Variants in PBRM1 observed in about 807,000 individuals in gnomAD.
PBRM1 encodes the protein polybromo 1, also known as protein polybromo-1.
Under a neutral mutation model 194.5 loss-of-function variants are expected in PBRM1, and 27 were observed. That is an observed-to-expected ratio of 0.14 (90% CI 0.10 to 0.19). PBRM1 has a LOEUF of 0.19. Among genes scored for constraint, PBRM1 ranks in the 10% least tolerant of loss-of-function variants. The pLI is 1.00. For synonymous variants in PBRM1, 655 were observed against 693.2 expected (o/e 0.94, Z 0.87); for missense variants, 1,466 against 2,077.2 (o/e 0.71, Z 5.72).
intron 22 of PBRM1, among the ~76,000 whole-genome samples, chr3:52,566,302 C>T (rs1329517740): frequency 6.6e-6 from 1 of 152,092 alleles, no homozygotes; most frequent in African/African-American, 2.4e-5. Context: ...AAAAGTTAAA[C>T]ACTGAGTTAC....
chr3:52,679,885 A>C (rs2154068574), upstream of PBRM1, among the ~76,000 whole-genome samples: 1 of 150,084 alleles, frequency 6.7e-6, no homozygotes, highest in Non-Finnish European at 1.5e-5. Context: ...TAAGCCCTGG[A>C]CTTCCTTGTT....
upstream of PBRM1, among the ~76,000 whole-genome samples, chr3:52,683,080 G>C (rs1242476463): frequency 1.3e-5 from 2 of 152,024 alleles, no homozygotes; most frequent in Non-Finnish European, 2.9e-5. Context: ...GCACGCACCT[G>C]TAATCCCAGC....
At position 52,551,533 on chromosome 3, in the gene PBRM1, C is replaced by T. The variant is rs528622693; in HGVS notation, c.4610-716G>A. On this transcript the variant is annotated intron_variant, in intron 27 of 29. Transcript: ENST00000296302. ...CCTGATAATAATTTTGTAAGCTTCC[C>T]TCAGTGAATGCTCACGAGCAATTGT... Among the ~76,000 whole-genome samples the T allele has an allele frequency of 3.3e-5, 5 of 152,164 alleles. No individual in the cohort carries two copies. The South Asian group carries it at 6.2e-4, about 19-fold the overall frequency.
chr3:52,671,914 G>A (rs541819552), intron 2 of PBRM1, among the ~76,000 whole-genome samples: 7 of 152,276 alleles, frequency 4.6e-5, no homozygotes, highest in African/African-American at 1.4e-4. Flanking sequence ...ACCCACTGTA[G>A]CATCAACAAT....
At chr3:52,633,605 C>T (rs2095694708) in intron 11 of PBRM1, among the ~76,000 whole-genome samples, 1 of 152,164 alleles carries the variant, frequency 6.6e-6, no homozygotes, top group Non-Finnish European at 1.5e-5. Context: ...TCCACAGCGT[C>T]TATACCATTT....
At chr3:52,635,887 C>T (rs956729294) in intron 10 of PBRM1, among the ~76,000 whole-genome samples, 6 of 151,970 alleles carry the variant, frequency 3.9e-5, no homozygotes, top group South Asian at 2.1e-4. Flanking sequence ...ATTTTTGAGA[C>T]GGGGTCTCAC....
intron 5 of PBRM1, among the ~76,000 whole-genome samples, chr3:52,657,449 G>C (rs990206989): frequency 6.6e-6 from 1 of 152,024 alleles, no homozygotes; most frequent in African/African-American, 2.4e-5. Flanking sequence ...AGGATCTCTT[G>C]GGGGCCTCCA....
At chr3:52,561,709 G>C (rs892935720) in intron 25 of PBRM1, 58 bp downstream of exon 27, 10 of 1,421,818 alleles carry the variant, frequency 7.0e-6, no homozygotes, top group Admixed American at 6.7e-5. Flanking sequence ...GTCTGTGCGC[G>C]TGCATTCCTG....
At position 52,655,751 on chromosome 3, in the gene PBRM1, T is replaced by C. The variant is rs1040730187; in HGVS notation, c.645+2448A>G. On this transcript the variant is annotated intron_variant, in intron 5 of 29. Transcript: ENST00000296302. ...CAGCAGTGGTCAGTTGCTTTATTTC[T>C]AATGTTGTAACTATCCTATAGCTAG... Among the ~76,000 whole-genome samples the C allele has an allele frequency of 2.0e-5, 3 of 152,364 alleles. No individual in the cohort carries two copies. In the South Asian group the frequency reaches 6.2e-4, roughly 32 times the overall value.
chr3:52,564,223 A>G (rs1186700320), exon 23 of PBRM1: 2 of 1,611,404 alleles, frequency 1.2e-6, no homozygotes, highest in Non-Finnish European at 1.7e-6. Context: ...ATGACAACAC[A>G]GCACACTTTC....
chr3:52,594,627 T>G (rs1352758937), intron 17 of PBRM1, among the ~76,000 whole-genome samples: 1 of 152,190 alleles, frequency 6.6e-6, no homozygotes, highest in East Asian at 1.9e-4. Flanking sequence ...ATCTTGTCAT[T>G]GTGTTGTTAG....
intron 4 of PBRM1, 50 bp downstream of exon 5, chr3:52,662,083 T>G (rs764579982): frequency 1.3e-6 from 2 of 1,594,346 alleles, no homozygotes; most frequent in Non-Finnish European, 1.7e-6. Flanking sequence ...GCAGGGGCCC[T>G]CTCTGCCTTC....
chr3:52,593,439 G>A (rs771127288), intron 17 of PBRM1, among the ~76,000 whole-genome samples: 3 of 152,154 alleles, frequency 2.0e-5, no homozygotes, highest in Non-Finnish European at 2.9e-5. Flanking sequence ...GTTTTGCCAT[G>A]TTGGCTAGGG....
At chr3:52,666,408 T>C (rs1290169515) in intron 3 of PBRM1, among the ~76,000 whole-genome samples, 1 of 151,974 alleles carries the variant, frequency 6.6e-6, no homozygotes, top group Non-Finnish European at 1.5e-5. Flanking sequence ...TGATGGTGGG[T>C]GCCTATAATC....
At chr3:52,599,538 G>A (rs1013994899) in intron 17 of PBRM1, among the ~76,000 whole-genome samples, 1 of 151,720 alleles carries the variant, frequency 6.6e-6, no homozygotes, top group African/African-American at 2.4e-5. Flanking sequence ...TTGGCCAGGC[G>A]TGGTGGCTCA....
At chr3:52,550,949 G>A in intron 27 of PBRM1, 132 bp from the exon 30 acceptor site, 1 of 606,992 alleles carries the variant, frequency 1.6e-6, no homozygotes. Flanking sequence ...TTGTGGCTAG[G>A]AATCTTAAGC....
intron 11 of PBRM1, among the ~76,000 whole-genome samples, chr3:52,633,264 G>C (rs182383521): frequency 6.6e-6 from 1 of 151,822 alleles, no homozygotes; most frequent in East Asian, 1.9e-4. Flanking sequence ...CATATCAATA[G>C]AATCATTCAG....
At chr3:52,573,354 C>T (rs2088141072) in intron 22 of PBRM1, among the ~76,000 whole-genome samples, 1 of 151,858 alleles carries the variant, frequency 6.6e-6, no homozygotes, top group African/African-American at 2.4e-5. Context: ...AGTGCAGTGG[C>T]TTGATCTCAG....
chr3:52,600,926 C>T (rs1471887112), intron 17 of PBRM1, among the ~76,000 whole-genome samples: 1 of 152,184 alleles, frequency 6.6e-6, no homozygotes, highest in Non-Finnish European at 1.5e-5. Flanking sequence ...CATGAGCCAC[C>T]GTGCCCAGCC....
Sources: allele counts gnomAD v4.1 joint callset (sites outside exome capture counted in the v4.1 genomes callset), GRCh38; gene constraint gnomAD v4.1.1; transcripts MANE v1.5; gene names NCBI Gene and HGNC (gene_info 2026-07-23, HGNC 2026-07-21).